The following MTHFD1L variants were observed in gnomAD, a reference collection of about 807,000 sequenced individuals.
MTHFD1L encodes the protein monofunctional C1-tetrahydrofolate synthase, mitochondrial.
In MTHFD1L, 81 loss-of-function variants were observed where a neutral mutation model predicts 119.5. That is an observed-to-expected ratio of 0.68 (90% CI 0.57 to 0.82). The LOEUF (loss-of-function observed/expected upper bound fraction) is 0.82, where lower values mean the gene tolerates loss of function less well. MTHFD1L is among the 40% of genes least tolerant of loss of function. The probability of loss-of-function intolerance (pLI) is 0.00; values close to 1 mark genes in which losing one functional copy is unlikely to be tolerated. For synonymous variants in MTHFD1L, 430 were observed against 475.2 expected, an observed-to-expected ratio of 0.90 and a Z score of 1.24; for missense variants, 1,125 against 1,253.4, an observed-to-expected ratio of 0.90 and a Z score of 1.55.
At chr6:151,096,093 T>G (rs751778392) in intron 27 of MTHFD1L, among the ~76,000 whole-genome samples, 5 of 152,236 alleles carry the variant, frequency 3.3e-5, no homozygotes, top group Non-Finnish European at 5.9e-5. Context: ...CAGTCACGGG[T>G]AAAATGAACT....
At chr6:151,007,832 A>G (rs1369455160) in intron 20 of MTHFD1L, among the ~76,000 whole-genome samples, 1 of 152,264 alleles carries the variant, frequency 6.6e-6, no homozygotes, top group Non-Finnish European at 1.5e-5. Context: ...CACTACAAGT[A>G]AAATCACAAG....
chr6:150,894,549 C>G (rs1205795250), intron 7 of MTHFD1L, among the ~76,000 whole-genome samples: 1 of 152,154 alleles, frequency 6.6e-6, no homozygotes, highest in East Asian at 1.9e-4. Flanking sequence ...TAAGTGATGT[C>G]ACAGACTCCC....
intron 20 of MTHFD1L, among the ~76,000 whole-genome samples, chr6:150,998,995 A>AAAAAAAAAAATGTATATATATATCT (rs986639098): frequency 7.0e-6 from 1 of 143,586 alleles, no homozygotes; most frequent in African/African-American, 2.6e-5. Context: ...GTCTTAAAAA[A>AAAAAAAAAAATGTATATATATATCT]ATATATATAC....
At chr6:150,943,638 G>GTC in intron 13 of MTHFD1L, among the ~76,000 whole-genome samples, 1 of 152,188 alleles carries the variant, frequency 6.6e-6, no homozygotes, top group Middle Eastern at 3.4e-3. Flanking sequence ...TGGTAGTAGC[G>GTC]TATATATCCA....
chr6:150,959,667 C>G (rs1796147960), intron 17 of MTHFD1L, among the ~76,000 whole-genome samples: 1 of 152,200 alleles, frequency 6.6e-6, no homozygotes, highest in Non-Finnish European at 1.5e-5. Context: ...AGATCCAGCT[C>G]TGGGAAAGTA....
rs986639098 is a variant in MTHFD1L, at chr6:150,998,995, A to AAAAAAAAAAATGTATATATATATATAT, written c.2126-10823_2126-10822insAAAAAAAAATGTATATATATATATATA. 8.7e-4 allele frequency among the ~76,000 whole-genome samples: 125 copies of AAAAAAAAAAATGTATATATATATATAT among 143,594 alleles called. 1 individual carries two copies. Among genetic ancestry groups the AAAAAAAAAAATGTATATATATATATAT allele is most frequent in the African/African-American group, 3.0e-3 (115 of 38,808 alleles). 94.2% of individuals were successfully genotyped at this position (143,594 alleles called of 152,430 possible). A position where few individuals can be genotyped will look rare whatever the true frequency, so the allele number is the denominator to read the frequency against. Reference sequence around the variant, plus strand: ...ACAGAGGGAGACCCTGTCTTAAAAAAATATATATACATATATATATATAGT... The same window carrying AAAAAAAAAAATGTATATATATATATAT: ...ACAGAGGGAGACCCTGTCTTAAAAAAAAAAAAAAAATGTATATATATATATATATATATATACATATATATATATAGT... On this transcript the variant is annotated intron_variant, in intron 20 of 27. Transcript: ENST00000367321.
intron 26 of MTHFD1L, among the ~76,000 whole-genome samples, chr6:151,052,752 A>G (rs1012314746): frequency 1.3e-5 from 2 of 152,330 alleles, no homozygotes; most frequent in Middle Eastern, 3.4e-3. Context: ...CCCCTCTTAC[A>G]TGCCCACCAT....
intron 26 of MTHFD1L, among the ~76,000 whole-genome samples, chr6:151,055,173 G>A (rs1462097521): frequency 6.6e-6 from 1 of 152,018 alleles, no homozygotes; most frequent in Non-Finnish European, 1.5e-5. Context: ...GGCTGAGGCA[G>A]AAGAATCGCT....
chr6:151,042,239 C>A (rs1787242752), intron 26 of MTHFD1L, among the ~76,000 whole-genome samples: 1 of 152,170 alleles, frequency 6.6e-6, no homozygotes, highest in Non-Finnish European at 1.5e-5. Context: ...AAATAACTTT[C>A]TTCATTCCTA....
chr6:150,973,280 C>CA (rs2129022634), intron 20 of MTHFD1L, among the ~76,000 whole-genome samples: 1 of 152,330 alleles, frequency 6.6e-6, no homozygotes, highest in Non-Finnish European at 1.5e-5. Flanking sequence ...TATTGAGACT[C>CA]TTTTAAGAAT....
At chr6:150,948,781 C>T (rs541540574) in intron 15 of MTHFD1L, among the ~76,000 whole-genome samples, 4 of 145,816 alleles carry the variant, frequency 2.7e-5, no homozygotes, top group Middle Eastern at 3.5e-3. Flanking sequence ...GCTGGGATTA[C>T]AGGCATGCGC....
intron 1 of MTHFD1L, among the ~76,000 whole-genome samples, chr6:150,875,047 CT>C (rs879462443): frequency 2.3e-3 from 322 of 142,472 alleles, no homozygotes; most frequent in African/African-American, 5.7e-3. Context: ...CGCTCCTGGA[CT>C]TTTTTTTTTT....
chr6:150,981,082 G>T (rs1777422822), intron 20 of MTHFD1L, among the ~76,000 whole-genome samples: 1 of 151,988 alleles, frequency 6.6e-6, no homozygotes, highest in Admixed American at 6.6e-5. Context: ...AAATACATAT[G>T]AATTCGAAGG....
intron 7 of MTHFD1L, among the ~76,000 whole-genome samples, chr6:150,903,396 T>C (rs958392363): frequency 2.0e-5 from 3 of 151,784 alleles, no homozygotes; most frequent in Non-Finnish European, 2.9e-5. Context: ...GAATGGTTAT[T>C]TAGCAAATGT....
intron 16 of MTHFD1L, among the ~76,000 whole-genome samples, chr6:150,952,255 T>C (rs1321415182): frequency 6.6e-6 from 1 of 152,184 alleles, no homozygotes; most frequent in Non-Finnish European, 1.5e-5. Context: ...TGGAATGACA[T>C]TTGATAAGTA....
chr6:151,084,698 G>C (rs913641879), intron 26 of MTHFD1L, among the ~76,000 whole-genome samples: 10 of 152,090 alleles, frequency 6.6e-5, no homozygotes, highest in African/African-American at 2.2e-4. Context: ...GGGCGTGGTG[G>C]CTCATGCCTG....
chr6:151,054,882 TA>T (rs772540595), intron 26 of MTHFD1L: 4 of 152,150 alleles, frequency 2.6e-5, no homozygotes, highest in Admixed American at 6.5e-5. Context: ...AAATGAGATT[TA>T]GTAGAGCATA....
rs771979565 is a variant in MTHFD1L at position 151,034,617 on chromosome 6, TA to T, written c.2694+18del. On this transcript the variant is annotated intron_variant, in intron 25 of 27. Coordinates refer to ENST00000367321, the MANE Select transcript of MTHFD1L (RefSeq NM_015440.5). ...ACTCAACAGGTAAAAGTTCTACTTT[TA>T]GGGGAAAAGAAAAAATTCACCTTAG... 1 of 1,550,970 alleles carries T rather than the reference TA, an allele frequency of 6.4e-7. No individual in the cohort carries two copies. Among genetic ancestry groups the T allele is most frequent in the East Asian group, 2.2e-5 (1 of 44,542 alleles).
intron 13 of MTHFD1L, among the ~76,000 whole-genome samples, chr6:150,941,981 G>A (rs1016469874): frequency 2.6e-5 from 4 of 152,156 alleles, no homozygotes; most frequent in Admixed American, 6.5e-5. Flanking sequence ...CTATCAGGCC[G>A]GGCACGGTGG....
Sources: gnomAD v4.1 joint callset for allele counts (sites outside exome capture counted in the v4.1 genomes callset) on GRCh38, gnomAD v4.1.1 for gene constraint, MANE v1.5 for transcripts, NCBI Gene and HGNC (gene_info 2026-07-23, HGNC 2026-07-21) for gene names.